Variants in PARD3 observed in about 807,000 individuals in gnomAD.
PARD3 encodes the protein partitioning defective 3 homolog.
In PARD3, 75 loss-of-function variants were observed where a neutral mutation model predicts 155.4. That is an observed-to-expected ratio of 0.48 (90% CI 0.40 to 0.58). The LOEUF is 0.58. Among genes scored for constraint, PARD3 ranks in the 20% least tolerant of loss-of-function variants. The pLI is 0.00. For missense variants in PARD3, 1,642 were observed against 1,721.7 expected (o/e 0.95, Z 0.82); for synonymous variants, 576 against 610.5 (o/e 0.94, Z 0.83).
intron 5 of PARD3, among the ~76,000 whole-genome samples, chr10:34,406,651 C>T (rs1239853071): frequency 6.6e-6 from 1 of 152,084 alleles, no homozygotes; most frequent in African/African-American, 2.4e-5. Context: ...CCTAGGCCTC[C>T]CAAATAGCTG....
chr10:34,570,162 A>G (rs749949393), intron 2 of PARD3, among the ~76,000 whole-genome samples: 2 of 152,172 alleles, frequency 1.3e-5, no homozygotes, highest in Non-Finnish European at 2.9e-5. Context: ...TCAAATACAT[A>G]TATTTCAATT....
intron 15 of PARD3, chr10:34,345,472 A>T (rs1589249191): frequency 1.5e-5 from 15 of 985,004 alleles, no homozygotes; most frequent in Non-Finnish European, 1.8e-5. Context: ...CAGATCATGA[A>T]GTAAATACCT....
chr10:34,775,343 C>T (rs746917785), intron 1 of PARD3, among the ~76,000 whole-genome samples: 11 of 152,076 alleles, frequency 7.2e-5, no homozygotes, highest in Admixed American at 5.9e-4. Flanking sequence ...AAAGCAAGAC[C>T]TCATCTCTGC....
chr10:34,374,080 C>T (rs1322785607), intron 11 of PARD3, among the ~76,000 whole-genome samples: 1 of 152,092 alleles, frequency 6.6e-6, no homozygotes, highest in Admixed American at 6.5e-5. Flanking sequence ...ACCACTTGTA[C>T]TTGAAATAAA....
intron 2 of PARD3, among the ~76,000 whole-genome samples, chr10:34,584,167 C>G (rs899854515): frequency 6.6e-6 from 1 of 152,164 alleles, no homozygotes; most frequent in Non-Finnish European, 1.5e-5. Context: ...ACATGAGACT[C>G]TTTAACAAAA....
intron 22 of PARD3, among the ~76,000 whole-genome samples, chr10:34,262,988 A>C (rs1257174659): frequency 2.0e-5 from 3 of 152,256 alleles, no homozygotes; most frequent in Non-Finnish European, 4.4e-5. Flanking sequence ...TAATTTATGG[A>C]GAATACTTAG....
intron 3 of PARD3, among the ~76,000 whole-genome samples, chr10:34,496,078 T>G (rs2080263111): frequency 6.6e-6 from 1 of 151,894 alleles, no homozygotes; most frequent in African/African-American, 2.4e-5. Context: ...GGTGTGCGCC[T>G]GTAGTCCCAG....
intron 2 of PARD3, among the ~76,000 whole-genome samples, chr10:34,566,740 T>C (rs2085972902): frequency 6.6e-6 from 1 of 152,202 alleles, no homozygotes; most frequent in Admixed American, 6.5e-5. Context: ...AGATACTGAC[T>C]AAATAAATTA....
intron 22 of PARD3, among the ~76,000 whole-genome samples, chr10:34,197,040 C>T (rs1950978297): frequency 6.6e-6 from 1 of 152,156 alleles, no homozygotes; most frequent in Middle Eastern, 3.2e-3. Context: ...CTTTGCCATC[C>T]TGTGCCTTCC....
chr10:34,232,907 C>T (rs1365519055), intron 22 of PARD3, among the ~76,000 whole-genome samples: 1 of 151,782 alleles, frequency 6.6e-6, no homozygotes, highest in African/African-American at 2.4e-5. Flanking sequence ...CGCTATGTTG[C>T]CAAGGCTGGT....
intron 15 of PARD3, chr10:34,345,366 T>A: frequency 1.0e-6 from 1 of 985,160 alleles, no homozygotes; most frequent in South Asian, 4.7e-5. Context: ...ACATAGGGGA[T>A]TACTCCATAT....
At chr10:34,403,240 A>C (rs1301118846) in intron 5 of PARD3, among the ~76,000 whole-genome samples, 1 of 152,206 alleles carries the variant, frequency 6.6e-6, no homozygotes, top group Non-Finnish European at 1.5e-5. Context: ...GATCTTTTCT[A>C]TTACATAAAT....
chr10:34,521,908 A>G (rs1419654771), intron 2 of PARD3, among the ~76,000 whole-genome samples: 1 of 152,172 alleles, frequency 6.6e-6, no homozygotes, highest in East Asian at 1.9e-4. Flanking sequence ...CTCTGACCTT[A>G]TTTTTTGGGT....
In PARD3 at chr10:34,284,209, T is replaced by A; in HGVS notation, c.3102A>T (p.Lys1034Asn). The part of the protein sequence containing the change: ...GKHRKDDKIE[K>N]TGKIKIQESF... ...ATTCCTGTATTTTTATTTTACCCGT[T>A]TTCTCAATCTTGTCATCTTTTCGAT... The change falls in exon 21 of 25, where the codon AAA becomes AAT. Residue 1034 changes from lysine (K) to asparagine (N), a missense_variant. Lys to Asn is a moderately conservative substitution (Grantham distance 94, BLOSUM62 0). Coordinates refer to ENST00000374788, the MANE Select transcript of PARD3 (RefSeq NM_001184785.2). 1 of 1,610,470 alleles carries A rather than the reference T, an allele frequency of 6.2e-7. No homozygotes were observed. Among genetic ancestry groups the A allele is most frequent in the Non-Finnish European group, 8.5e-7 (1 of 1,178,382 alleles).
chr10:34,500,567 C>T (rs1295138121), intron 3 of PARD3, among the ~76,000 whole-genome samples: 2 of 152,054 alleles, frequency 1.3e-5, no homozygotes, highest in Non-Finnish European at 2.9e-5. Flanking sequence ...CATGGTGAAA[C>T]CTCATCTCTA....
chr10:34,655,053 AC>A (rs201723309), intron 2 of PARD3, among the ~76,000 whole-genome samples: 1,742 of 151,748 alleles, frequency 0.011, 36 homozygotes, highest in African/African-American at 0.04. Flanking sequence ...AACAACTTTT[AC>A]AGTAATAGTT....
At chr10:34,186,755 G>A (rs561103436) in intron 22 of PARD3, among the ~76,000 whole-genome samples, 5 of 152,272 alleles carry the variant, frequency 3.3e-5, no homozygotes, top group Admixed American at 3.3e-4. Flanking sequence ...TCAGCCGTCT[G>A]TCTCTGCCCA....
intron 22 of PARD3, among the ~76,000 whole-genome samples, chr10:34,153,450 A>G (rs1948868434): frequency 6.6e-6 from 1 of 152,210 alleles, no homozygotes; most frequent in African/African-American, 2.4e-5. Flanking sequence ...AGTAAACCTG[A>G]TACTATTTCT....
intron 2 of PARD3, among the ~76,000 whole-genome samples, chr10:34,593,939 G>A (rs946367037): frequency 6.6e-6 from 1 of 152,122 alleles, no homozygotes; most frequent in South Asian, 2.1e-4. Flanking sequence ...TAAAAAAGAT[G>A]GATAATTCTT....
Sources: allele counts gnomAD v4.1 joint callset (sites outside exome capture counted in the v4.1 genomes callset), GRCh38; gene constraint gnomAD v4.1.1; transcripts MANE v1.5; gene names NCBI Gene and HGNC (gene_info 2026-07-23, HGNC 2026-07-21).